NOTCH2: variants seen among roughly 807,000 people sequenced by gnomAD.
NOTCH2 encodes the protein notch receptor 2.
Under a neutral mutation model 235.8 loss-of-function variants are expected in NOTCH2, and 29 were observed. The observed-to-expected ratio is 0.12, with a 90% CI of 0.09 to 0.17. The LOEUF (loss-of-function observed/expected upper bound fraction) is 0.17. Among genes scored for constraint, NOTCH2 ranks in the 10% least tolerant of loss-of-function variants. NOTCH2 has a pLI of 1.00. For synonymous variants in NOTCH2, 1,086 were observed against 1,141.5 expected (o/e 0.95, Z 0.98); for missense variants, 2,285 against 3,150.2 (o/e 0.73, Z 6.57).
rs1210642970 is a variant in NOTCH2 at position 119,920,361 on chromosome 1, G to C, written c.5347C>G (p.Pro1783Ala). The change falls in exon 30 of 34, where the codon CCC (proline) becomes GCC (alanine). Residue 1783 changes from proline to alanine, a missense_variant. Pro to Ala is a conservative substitution (Grantham distance 27). Around this residue, in one of 6 missense-constraint regions of NOTCH2, gnomAD observed 1,173 missense variants for 1,515.3 expected, o/e 0.77. Coordinates refer to ENST00000256646, the MANE Select transcript of NOTCH2 (RefSeq NM_024408.4). ...DEALLSEEDD[P>A]IDRRPWTQQH... ...TGTGTCCATGGCCGTCGATCAATGGGGTCATCTTCTTCTGAGAGTAAGGCC... is the reference window on the plus strand; with the variant it reads ...TGTGTCCATGGCCGTCGATCAATGGCGTCATCTTCTTCTGAGAGTAAGGCC... 2 of 1,614,056 alleles carry C rather than the reference G, an allele frequency of 1.2e-6. No homozygotes were observed. The highest frequency in any genetic ancestry group is 1.6e-4 in the Middle Eastern group (1 of 6,082).
At chr1:119,985,312 C>G (rs1008359106) in intron 5 of NOTCH2, among the ~76,000 whole-genome samples, 24 of 152,018 alleles carry the variant, frequency 1.6e-4, no homozygotes, top group African/African-American at 5.3e-4. Context: ...AAAACTGCCA[C>G]ATTAAACTTA....
At position 120,069,461 on chromosome 1, in the gene NOTCH2, T is replaced by G; in HGVS notation, c.-55A>C. 1 of 1,515,286 alleles carries G rather than the reference T, an allele frequency of 6.6e-7. No individual in the cohort carries two copies. The highest frequency in any genetic ancestry group is 8.8e-7 in the Non-Finnish European group (1 of 1,140,310). 93.9% of individuals were successfully genotyped at this position (1,515,286 alleles called of 1,614,324 possible). A position where few individuals can be genotyped will look rare whatever the true frequency, so the allele number is the denominator to read the frequency against. ...CCGCCGCCGCCTGGGCAGATCCACA[T>G]GGGGAGGGGGTCCCGATAGAGGAGC... On this transcript the variant is annotated 5_prime_UTR_variant, in exon 1 of 34. An upstream start codon of the reference 5' UTR is lost. Coordinates refer to ENST00000256646, the MANE Select transcript of NOTCH2 (RefSeq NM_024408.4).
chr1:119,955,697 T>A (rs1553198309), intron 12 of NOTCH2, among the ~76,000 whole-genome samples: 1 of 152,234 alleles, frequency 6.6e-6, no homozygotes, highest in Admixed American at 6.5e-5. Context: ...GCTTAATGAA[T>A]GGGCTAGTAA....
intron 14 of NOTCH2, 80 bp from the exon 15 acceptor site, chr1:119,950,917 T>C (rs1392413922): frequency 4.5e-6 from 4 of 894,178 alleles, no homozygotes; most frequent in Non-Finnish European, 5.7e-6. Context: ...TCTTTAGGGG[T>C]AAAAACTGAA....
At position 119,918,439 on chromosome 1, in the gene NOTCH2, A is replaced by T; in HGVS notation, c.5896T>A (p.Cys1966Ser). 6.2e-7 allele frequency: 1 copy of T among 1,614,166 alleles called. No individual in the cohort carries two copies. Among genetic ancestry groups the T allele is most frequent in the Non-Finnish European group, 8.5e-7 (1 of 1,180,022 alleles). The change falls in exon 32 of 34, where the codon TGC becomes AGC. Residue 1966 changes from cysteine to serine, a missense_variant. Cys to Ser is a moderately radical substitution (Grantham distance 112). Transcript: ENST00000256646. ...VEGMVAELIN[C>S]QADVNAVDDH... is the part of the protein sequence containing the mutation. Reference sequence around the variant, plus strand: ...TCCACTGCATTCACATCCGCTTGGCAGTTGATCAGTTCTGCCACCATTCCC... The same window carrying T: ...TCCACTGCATTCACATCCGCTTGGCTGTTGATCAGTTCTGCCACCATTCCC...
At chr1:120,003,715 C>G (rs138010439) in intron 3 of NOTCH2, among the ~76,000 whole-genome samples, 4,564 of 150,986 alleles carry the variant, frequency 0.03, no homozygotes, top group East Asian at 0.12. Context: ...AAAAAAATTA[C>G]AATAAAATGT....
At chr1:119,929,598 TAC>T (rs782721079) in intron 22 of NOTCH2, among the ~76,000 whole-genome samples, 2 of 152,176 alleles carry the variant, frequency 1.3e-5, no homozygotes, top group Non-Finnish European at 2.9e-5. Flanking sequence ...TAACAATAAA[TAC>T]AGTTATGCAA....
intron 3 of NOTCH2, among the ~76,000 whole-genome samples, chr1:120,001,347 G>A (rs1248654957): frequency 2.0e-5 from 3 of 151,580 alleles, no homozygotes; most frequent in African/African-American, 7.3e-5. Flanking sequence ...CCTACACCCA[G>A]GTTGGATGAC....
chr1:119,933,056 G>A (rs150034971), intron 22 of NOTCH2, among the ~76,000 whole-genome samples: 208 of 152,256 alleles, frequency 1.4e-3, no homozygotes, highest in African/African-American at 4.8e-3. Flanking sequence ...TCTAGTATAT[G>A]CTCCCTGTCT....
intron 1 of NOTCH2, among the ~76,000 whole-genome samples, chr1:120,031,318 T>C (rs1171759559): frequency 7.3e-6 from 1 of 137,230 alleles, no homozygotes; most frequent in Admixed American, 7.4e-5. Context: ...TGAAATAATA[T>C]TTTTAAATGG....
chr1:119,918,473 C>T lies in NOTCH2; in HGVS notation c.5862G>A (p.Leu1954=), dbSNP rs746117178. 4 of 1,614,046 alleles carry T rather than the reference C, an allele frequency of 2.5e-6. No individual in the cohort carries two copies. The highest frequency in any genetic ancestry group is 3.3e-5 in the Admixed American group (2 of 60,002). ...GTTCTGCCACCATTCCCTCCACAGC[C>T]AGGCGGGCAGCCAGGATCAGGGGTG... is the stretch of plus-strand genomic sequence containing the variant. ...GTTPLILAAR[L]AVEGMVAELI... is the part of the protein sequence containing the mutation. Residue 1954 remains leucine, a synonymous_variant, in exon 32 of 34, where the codon CTG becomes CTA. Transcript: ENST00000256646.
At chr1:119,969,431 G>A in intron 6 of NOTCH2, 80 bp downstream of exon 6, 1 of 1,178,378 alleles carries the variant, frequency 8.5e-7, no homozygotes, top group Non-Finnish European at 1.2e-6. Context: ...AGAATATGCT[G>A]TTTGGGATGA....
intron 17 of NOTCH2, among the ~76,000 whole-genome samples, chr1:119,946,292 T>A (rs1449580081): frequency 1.3e-5 from 2 of 152,074 alleles, no homozygotes; most frequent in Non-Finnish European, 2.9e-5. Flanking sequence ...AGAAAAACAC[T>A]TCCTGATATG....
At chr1:119,934,239 T>C (rs984138430) in intron 22 of NOTCH2, among the ~76,000 whole-genome samples, 1 of 152,222 alleles carries the variant, frequency 6.6e-6, no homozygotes, top group African/African-American at 2.4e-5. Flanking sequence ...GGAAACAGCC[T>C]GACGCTCACA....
At chr1:119,974,364 G>C (rs587700654) in intron 5 of NOTCH2, among the ~76,000 whole-genome samples, 1 of 152,224 alleles carries the variant, frequency 6.6e-6, no homozygotes, top group Non-Finnish European at 1.5e-5. Flanking sequence ...CTGAGGCAGT[G>C]GACTAGTTAG....
At chr1:119,940,825 T>A (rs1009347541) in intron 18 of NOTCH2, 69 bp from the exon 19 acceptor site, 18 of 1,367,204 alleles carry the variant, frequency 1.3e-5, no homozygotes, top group Non-Finnish European at 1.7e-5. Flanking sequence ...AAAGTAAGAT[T>A]TCTGGAATCT....
intron 3 of NOTCH2, among the ~76,000 whole-genome samples, chr1:119,999,877 CAGAA>C (rs1310569426): frequency 1.5e-5 from 2 of 129,114 alleles, no homozygotes; most frequent in South Asian, 2.6e-4. Context: ...GAAAGACAGA[CAGAA>C]AGAGAGAGGG....
At position 119,915,782 on chromosome 1, in the gene NOTCH2, TGCC is replaced by T; in HGVS notation, c.6937_6939del (p.Gly2313del). 4 of 1,610,902 alleles carry T rather than the reference TGCC, an allele frequency of 2.5e-6. No homozygotes were observed. The highest frequency in any genetic ancestry group is 3.4e-6 in the Non-Finnish European group (4 of 1,177,600). The stretch of plus-strand genomic sequence containing the variant: ...GGAGCCCCCGCTGGTTGGGCAATAC[TGCC>T]TTTAGGGATGAGCTGGAAAGTCACA... On this transcript the variant is annotated inframe_deletion, in exon 34 of 34. Transcript: ENST00000256646.
At chr1:120,001,216 C>T (rs184871625) in intron 3 of NOTCH2, among the ~76,000 whole-genome samples, 18 of 152,188 alleles carry the variant, frequency 1.2e-4, no homozygotes, top group African/African-American at 3.4e-4. Context: ...TTATCAGCAG[C>T]GTGAAAATGG....
Sources: allele counts gnomAD v4.1 joint callset (sites outside exome capture counted in the v4.1 genomes callset), GRCh38; gene constraint gnomAD v4.1.1; regional missense constraint gnomAD v4.1.1; transcripts MANE v1.5; gene names NCBI Gene and HGNC (gene_info 2026-07-23, HGNC 2026-07-21).